Variants in ARID3A observed in about 807,000 individuals in gnomAD.
ARID3A encodes the protein AT-rich interaction domain 3A, also known as AT-rich interactive domain-containing protein 3A.
ARID3A carries 11 observed loss-of-function variants against 52.7 expected under a neutral mutation model. The observed-to-expected ratio is 0.21, with a 90% CI of 0.13 to 0.35. The LOEUF is 0.35. Ranked by LOEUF, ARID3A falls within the 10% of genes least tolerant of loss-of-function variation. The pLI, the probability that ARID3A is intolerant of heterozygous loss-of-function variation, is 1.00. For synonymous variants in ARID3A, 404 were observed against 359.4 expected, an observed-to-expected ratio of 1.12 and a Z score of -1.40; for missense variants, 721 against 838.5, an observed-to-expected ratio of 0.86 and a Z score of 1.73.
intron 3 of ARID3A, among the ~76,000 whole-genome samples, chr19:952,852 G>A (rs1000494618): frequency 3.9e-4 from 60 of 152,096 alleles, no homozygotes; most frequent in Admixed American, 2.9e-3. Flanking sequence ...TGGGCCCCCC[G>A]CAGCTGCTGG....
intron 3 of ARID3A, among the ~76,000 whole-genome samples, chr19:952,456 AAAAAAAAAAAAGG>A (rs1220728534): frequency 1.7e-4 from 25 of 150,792 alleles, no homozygotes; most frequent in Admixed American, 1.7e-3. Flanking sequence ...AAAAAAAAAA[AAAAAAAAAAAAGG>A]AAAGAAAATT....
chr19:965,059 C>A lies in ARID3A; in HGVS notation c.1177C>A (p.Pro393Thr). ...AASTNGSSIT[P>T]APKIKKEEDS... ...AAGCACCAATGGCAGCTCCATCACC[C>A]CCGCCCCTAAGATCAAGAAAGGTAA... is the stretch of plus-strand genomic sequence containing the variant. The change falls in exon 6 of 9, where the codon CCC (proline) becomes ACC (threonine). Residue 393 changes from proline to threonine, a missense_variant. Physicochemically the swap from Pro to Thr is conservative, Grantham distance 38. Transcript: ENST00000263620. 2 of 1,611,422 alleles carry A rather than the reference C, an allele frequency of 1.2e-6. No homozygotes were observed. The highest frequency in any genetic ancestry group is 1.7e-6 in the Non-Finnish European group (2 of 1,179,024).
intron 3 of ARID3A, among the ~76,000 whole-genome samples, chr19:939,464 C>A (rs1279693905): frequency 6.6e-6 from 1 of 152,114 alleles, no homozygotes; most frequent in Non-Finnish European, 1.5e-5. Flanking sequence ...ACTCTTCTTG[C>A]AGAGAGGAAG....
rs1328805822 is a variant in ARID3A at position 973,926 on chromosome 19, T to G, written c.*1861T>G. 1.3e-5 allele frequency: 3 copies of G among 230,592 alleles called. No individual in the cohort carries two copies. The highest frequency in any genetic ancestry group is 1.8e-4 in the South Asian group (1 of 5,516). The allele number at this position is 230,592 out of a possible 1,614,324, so 14.3% of individuals were successfully genotyped here. On this transcript the variant is annotated 3_prime_UTR_variant, in exon 9 of 9. Transcript: ENST00000263620. ...GGGACTTCGTTGGACCCGCGTGGTG[T>G]TGGGCGGGGCTGTCGTGTCCTACAC...
rs2037999307 is a variant in ARID3A at position 959,722 on chromosome 19, A to G, written c.694-370A>G. Among the ~76,000 whole-genome samples, 1 of 151,744 alleles carries G rather than the reference A, an allele frequency of 6.6e-6. No individual in the cohort carries two copies. The highest frequency in any genetic ancestry group is 2.1e-4 in the South Asian group (1 of 4,824). ...GGCTGGTGTCCTGAGAAGAGGAGAG[A>G]GAGACGGGGAGACGGTCTTGTGGAG... On this transcript the variant is annotated intron_variant, in intron 3 of 8. Coordinates refer to ENST00000263620, the MANE Select transcript of ARID3A (RefSeq NM_005224.3). This position sits in a 1 kb window ranked among gnomAD's most constrained non-coding sequence, Gnocchi z 5.0.
At chr19:970,498 C>CTTTTT (rs1177419405) in intron 8 of ARID3A, among the ~76,000 whole-genome samples, 4 of 88,350 alleles carry the variant, frequency 4.5e-5, no homozygotes, top group Non-Finnish European at 9.1e-5. Context: ...AATAGTTTTT[C>CTTTTT]TTTTTTTTTT....
intron 8 of ARID3A, among the ~76,000 whole-genome samples, chr19:969,874 G>T (rs1159902214): frequency 6.6e-6 from 1 of 151,440 alleles, no homozygotes; most frequent in Non-Finnish European, 1.5e-5. Flanking sequence ...TGTATTTTTA[G>T]TAGAGATGAG....
rs1321893027 is a variant in ARID3A at position 938,881 on chromosome 19, TG to T, written c.693+6140del. On this transcript the variant is annotated intron_variant, in intron 3 of 8. Coordinates refer to ENST00000263620, the MANE Select transcript of ARID3A (RefSeq NM_005224.3). This position sits in a 1 kb window ranked among gnomAD's most constrained non-coding sequence, Gnocchi z 4.0. ...CTTTTTTTGGTCTTTTCAGCTCATT[TG>T]TTTTTTTTAATTGTGGAAAATACAC... 1.3e-5 allele frequency among the ~76,000 whole-genome samples: 2 copies of T among 152,090 alleles called. No homozygotes were observed. Among genetic ancestry groups the T allele is most frequent in the South Asian group, 2.1e-4 (1 of 4,820 alleles).
Position 972,220 on chromosome 19 carries a change from A to AAG in ARID3A, c.*157_*158dup, listed in dbSNP as rs1555732583. 295 of 303,718 alleles carry AAG rather than the reference A, an allele frequency of 9.7e-4. 1 individual carries two copies. The highest frequency in any genetic ancestry group is 8.0e-3 in the African/African-American group (279 of 34,698). The allele number at this position is 303,718 out of a possible 1,614,324, so 18.8% of individuals were successfully genotyped here. ...AGCTGACGCCAAAAAGAAAAGAAAA[A>AAG]AGATATATATATATATATATATATA... On this transcript the variant is annotated 3_prime_UTR_variant, in exon 9 of 9. Coordinates refer to ENST00000263620, the MANE Select transcript of ARID3A (RefSeq NM_005224.3).
Position 929,363 on chromosome 19 carries a change from G to GGGCCCCCCCCCC in ARID3A, c.-166_-165insGGCCCCCCCCCC. 4 of 259,262 alleles carry GGGCCCCCCCCCC rather than the reference G, an allele frequency of 1.5e-5. No homozygotes were observed. Among genetic ancestry groups the GGGCCCCCCCCCC allele is most frequent in the East Asian group, 8.9e-5 (1 of 11,182 alleles). The allele number at this position is 259,262 out of a possible 1,614,324, so 16.1% of individuals were successfully genotyped here. On this transcript the variant is annotated 5_prime_UTR_variant, in exon 2 of 9. Transcript: ENST00000263620. This position sits in a 1 kb window ranked among gnomAD's most constrained non-coding sequence, Gnocchi z 6.2. The stretch of plus-strand genomic sequence containing the variant: ...ATCAGCCTTCAGCTTGAGCCCGGCG[G>GGGCCCCCCCCCC]CCCCCGCCCCCGCCCCCTGCCACCC...
At chr19:930,033 G>T in intron 2 of ARID3A, 137 bp downstream of exon 2, 3 of 1,295,394 alleles carry the variant, frequency 2.3e-6, no homozygotes, top group Non-Finnish European at 3.1e-6. Context: ...AGAGGCCGAC[G>T]TGGGAGGATC....
chr19:966,165 CAAA>C (rs558429852), intron 6 of ARID3A, among the ~76,000 whole-genome samples: 2 of 116,430 alleles, frequency 1.7e-5, no homozygotes, highest in Non-Finnish European at 1.9e-5. Context: ...TGTCTCAAAG[CAAA>C]AAAAAAAAAG....
chr19:929,485 GT>G lies in ARID3A; in HGVS notation c.-43del. 1.4e-6 allele frequency: 2 copies of G among 1,419,380 alleles called. No individual in the cohort carries two copies. Among genetic ancestry groups the G allele is most frequent in the Non-Finnish European group, 9.3e-7 (1 of 1,072,644 alleles). The allele number at this position is 1,419,380 out of a possible 1,614,324, so 87.9% of individuals were successfully genotyped here. A position where few individuals can be genotyped will look rare whatever the true frequency, so the allele number is the denominator to read the frequency against. ...CCGCCGCCCACCCCTAGCGCCCGTGGTGGTGGTGGTGGTGGTGGTGGTGGTG... is the reference window on the plus strand; with the variant it reads ...CCGCCGCCCACCCCTAGCGCCCGTGGGGTGGTGGTGGTGGTGGTGGTGGTG... On this transcript the variant is annotated 5_prime_UTR_variant, in exon 2 of 9. Coordinates refer to ENST00000263620, the MANE Select transcript of ARID3A (RefSeq NM_005224.3). This position sits in a 1 kb window ranked among gnomAD's most constrained non-coding sequence, Gnocchi z 6.2.
intron 7 of ARID3A, among the ~76,000 whole-genome samples, chr19:967,164 C>T (rs984665089): frequency 1.3e-5 from 2 of 151,748 alleles, no homozygotes; most frequent in African/African-American, 4.8e-5. Flanking sequence ...GAGGCTGAGG[C>T]AGGAGAATCA....
rs745869302 is a variant in ARID3A, at chr19:972,030, C to A, written c.1747C>A (p.Pro583Thr). The A allele has an allele frequency of 2.1e-5, 34 of 1,586,728 alleles. 1 individual carries two copies. The highest frequency in any genetic ancestry group is 1.2e-4 in the South Asian group (11 of 89,054). The change falls in exon 9 of 9, where the codon CCC becomes ACC. Residue 583 changes from proline to threonine, a missense_variant. This residue lies in a region of ARID3A where 297 missense variants were observed against 343.2 expected (regional missense o/e 0.87). Coordinates refer to ENST00000263620, the MANE Select transcript of ARID3A (RefSeq NM_005224.3). ...GQAGPAGLSTPSTSTSNNSLP is the reference protein window; with the variant it reads ...GQAGPAGLSTTSTSTSNNSLP Reference sequence around the variant, plus strand: ...GGCTGGGCCAGCGGGGCTGTCCACACCCTCCACATCTACCTCAAATAACTC... The same window carrying A: ...GGCTGGGCCAGCGGGGCTGTCCACAACCTCCACATCTACCTCAAATAACTC...
chr19:928,210 C>G (rs1016093150), intron 1 of ARID3A: 1 of 152,408 alleles, frequency 6.6e-6, no homozygotes, highest in Non-Finnish European at 1.5e-5. Flanking sequence ...TTTGCCCCCT[C>G]CGCTGTCCCC....
rs569549208 is a variant in ARID3A at position 957,807 on chromosome 19, G to A, written c.694-2285G>A. Among the ~76,000 whole-genome samples the A allele has an allele frequency of 3.2e-4, 49 of 152,276 alleles. No homozygotes were observed. In the South Asian group the frequency reaches 7.5e-3, roughly 23 times the overall value. On this transcript the variant is annotated intron_variant, in intron 3 of 8. Transcript: ENST00000263620. ...TGCAGTGAGCTATGATTGCGCCACTGCACTCCAGGCTGGGCAACAGAGTGA... is the reference window on the plus strand; with the variant it reads ...TGCAGTGAGCTATGATTGCGCCACTACACTCCAGGCTGGGCAACAGAGTGA...
chr19:974,400 G>A lies in ARID3A; in HGVS notation c.*2335G>A. ...TCTGTTTGCCTCCAGACACAATCGG[G>A]CCCCACTCGCAGAACCACCTGGACT... On this transcript the variant is annotated 3_prime_UTR_variant, in exon 9 of 9. Transcript: ENST00000263620. The A allele has an allele frequency of 4.3e-6, 1 of 230,346 alleles. No individual in the cohort carries two copies. 14.3% of individuals were successfully genotyped at this position (230,346 alleles called of 1,614,324 possible).
chr19:939,575 T>C (rs2037504110), intron 3 of ARID3A, among the ~76,000 whole-genome samples: 1 of 152,138 alleles, frequency 6.6e-6, no homozygotes, highest in Non-Finnish European at 1.5e-5. Context: ...CACCCAGGAA[T>C]GTGACCTGGG....
Sources: gnomAD v4.1 joint callset for allele counts (sites outside exome capture counted in the v4.1 genomes callset) on GRCh38, gnomAD v4.1.1 for gene constraint, gnomAD v4.1.1 regional missense constraint, Gnocchi (gnomAD v3.1) non-coding constraint, MANE v1.5 for transcripts, NCBI Gene and HGNC (gene_info 2026-07-23, HGNC 2026-07-21) for gene names.